Variants in RSRC1 observed in about 807,000 individuals in gnomAD.
RSRC1 encodes the protein arginine and serine rich coiled-coil 1.
A neutral mutation model predicts 49.1 loss-of-function variants in RSRC1; 39 were observed. The ratio of observed to expected loss-of-function variants is 0.79; its 90% CI spans 0.61 to 1.04. The LOEUF (loss-of-function observed/expected upper bound fraction) is 1.04. Ranked by LOEUF, RSRC1 falls within the 50% of genes least tolerant of loss-of-function variation. RSRC1 has a pLI of 0.00. For missense variants in RSRC1, 388 were observed against 402.4 expected, an observed-to-expected ratio of 0.96 and a Z score of 0.31; for synonymous variants, 143 against 130.8, an observed-to-expected ratio of 1.09 and a Z score of -0.63.
chr3:158,328,253 G>C (rs1157273383), intron 5 of RSRC1, among the ~76,000 whole-genome samples: 1 of 152,136 alleles, frequency 6.6e-6, no homozygotes, highest in Non-Finnish European at 1.5e-5. Flanking sequence ...ATATTGTTAT[G>C]TGTGAATTTG....
chr3:158,207,029 A>G (rs914620028), intron 4 of RSRC1, among the ~76,000 whole-genome samples: 15 of 152,202 alleles, frequency 9.9e-5, no homozygotes, highest in African/African-American at 3.4e-4. Context: ...AGGTGCTTTT[A>G]TTATCCTATT....
intron 7 of RSRC1, among the ~76,000 whole-genome samples, chr3:158,482,541 A>G (rs747304750): frequency 6.6e-6 from 1 of 152,062 alleles, no homozygotes; most frequent in East Asian, 1.9e-4. Context: ...GCCTAAAGGC[A>G]GGAGAATGGA....
At chr3:158,117,019 G>A (rs983323410) in intron 1 of RSRC1, among the ~76,000 whole-genome samples, 1 of 152,090 alleles carries the variant, frequency 6.6e-6, no homozygotes, top group Non-Finnish European at 1.5e-5. Flanking sequence ...GACCTTACAT[G>A]TCTGAAAATG....
chr3:158,197,082 G>A (rs2461505), intron 3 of RSRC1, among the ~76,000 whole-genome samples: 58,825 of 151,748 alleles, frequency 0.39, 12,253 homozygotes, highest in East Asian at 0.64. Context: ...AATGGTATCA[G>A]CTCCTCCTTG....
intron 6 of RSRC1, among the ~76,000 whole-genome samples, chr3:158,425,784 A>G (rs1483625114): frequency 6.6e-6 from 1 of 151,954 alleles, no homozygotes; most frequent in Admixed American, 6.6e-5. Flanking sequence ...GGGTGCATAT[A>G]TTTAGGATAG....
intron 6 of RSRC1, among the ~76,000 whole-genome samples, chr3:158,409,293 A>T (rs140835688): frequency 2.5e-4 from 38 of 152,274 alleles, no homozygotes; most frequent in African/African-American, 8.7e-4. Context: ...AAGTTTAAAA[A>T]ATGCTGCATT....
chr3:158,298,270 A>T (rs963204990), intron 5 of RSRC1, among the ~76,000 whole-genome samples, 195 bp downstream of exon 5: 1 of 152,016 alleles, frequency 6.6e-6, no homozygotes, highest in Admixed American at 6.6e-5. Context: ...AAAATTTTTT[A>T]AATTACTTTT....
intron 7 of RSRC1, among the ~76,000 whole-genome samples, chr3:158,465,348 A>G (rs988556419): frequency 2.6e-5 from 4 of 152,130 alleles, no homozygotes; most frequent in African/African-American, 9.7e-5. Flanking sequence ...TTTCTAGCAT[A>G]AAACACACTT....
At chr3:158,340,399 G>T (rs1730164187) in intron 5 of RSRC1, among the ~76,000 whole-genome samples, 1 of 151,988 alleles carries the variant, frequency 6.6e-6, no homozygotes, top group Non-Finnish European at 1.5e-5. Context: ...AAATTAGCTG[G>T]GCATGATGGC....
rs80237822 is a variant in RSRC1, at chr3:158,206,544, A to T, written c.494+3299A>T. ...TGGAGGCAGTGGGATGCCAATGTAG[A>T]GTTTCAAGTAGAGAAATGATGTGAT... On this transcript the variant is annotated intron_variant, in intron 4 of 9. Coordinates refer to ENST00000611884, the MANE Select transcript of RSRC1 (RefSeq NM_001271838.2). 7.6e-3 allele frequency among the ~76,000 whole-genome samples: 1,159 copies of T among 152,268 alleles called. 6 individuals carry two copies. Among genetic ancestry groups the T allele is most frequent in the African/African-American group, 0.026 (1,101 of 41,564 alleles).
At chr3:158,225,766 T>G (rs1391665411) in intron 4 of RSRC1, 2 of 427,086 alleles carry the variant, frequency 4.7e-6, no homozygotes, top group East Asian at 7.2e-5. Context: ...TTAGAAACAT[T>G]TTTACATTCA....
At chr3:158,164,832 A>G (rs1177687677) in intron 3 of RSRC1, among the ~76,000 whole-genome samples, 3 of 152,188 alleles carry the variant, frequency 2.0e-5, no homozygotes, top group Non-Finnish European at 4.4e-5. Context: ...TATAGAATTT[A>G]AATTCACTTG....
Position 158,123,866 on chromosome 3 carries a change from A to T in RSRC1, c.195A>T (p.Arg65Ser). ...LQPRSHSYDRRRRHRSSSSSS... is the reference protein window; with the variant it reads ...LQPRSHSYDRSRRHRSSSSSS... Reference sequence around the variant, plus strand: ...GATCTTTGATTATATTTTATTTCAGACGCAGGCATCGATCAAGCAGTAGCT... The same window carrying T: ...GATCTTTGATTATATTTTATTTCAGTCGCAGGCATCGATCAAGCAGTAGCT... Residue 65 changes from arginine to serine, a missense_variant and splice_region_variant, in exon 3 of 10, where the codon AGA becomes AGT. Coordinates refer to ENST00000611884, the MANE Select transcript of RSRC1 (RefSeq NM_001271838.2). 1 of 1,601,102 alleles carries T rather than the reference A, an allele frequency of 6.2e-7. No homozygotes were observed. Among genetic ancestry groups the T allele is most frequent in the Non-Finnish European group, 8.5e-7 (1 of 1,175,340 alleles).
intron 3 of RSRC1, among the ~76,000 whole-genome samples, chr3:158,160,932 T>G (rs80168071): frequency 3.9e-5 from 1 of 25,658 alleles, no homozygotes; most frequent in Non-Finnish European, 7.8e-5. Context: ...GGTCAAATAA[T>G]TTGCTCTTAC....
Position 158,191,724 on chromosome 3 carries a change from ATATACT to A in RSRC1, c.321-11344_321-11339del, listed in dbSNP as rs565515233. Among the ~76,000 whole-genome samples the A allele has an allele frequency of 3.6e-3, 546 of 152,152 alleles. 1 individual carries two copies. The highest frequency in any genetic ancestry group is 0.014 in the Middle Eastern group (4 of 294). On this transcript the variant is annotated intron_variant, in intron 3 of 9. Transcript: ENST00000611884. ...AGACTTCTAGAGTGATTTATCAGAAATATACTTATTTAAGGAATGAGGGACAAATAA... is the reference window on the plus strand; with the variant it reads ...AGACTTCTAGAGTGATTTATCAGAAATATTTAAGGAATGAGGGACAAATAA...
intron 4 of RSRC1, among the ~76,000 whole-genome samples, chr3:158,226,113 T>A (rs542877339): frequency 2.0e-5 from 3 of 151,996 alleles, no homozygotes; most frequent in African/African-American, 7.2e-5. Context: ...GTTTGGCTGC[T>A]GCTGGTTCCT....
intron 5 of RSRC1, among the ~76,000 whole-genome samples, chr3:158,321,289 TCC>T (rs1559991703): frequency 6.7e-6 from 1 of 150,000 alleles, no homozygotes; most frequent in Non-Finnish European, 1.5e-5. Flanking sequence ...CTCTTCCTCC[TCC>T]TCCTCCTCTT....
In RSRC1 at chr3:158,267,801, T is replaced by C. The variant is rs185659095; in HGVS notation, c.495-30238T>C. Among the ~76,000 whole-genome samples, 645 of 151,794 alleles carry C rather than the reference T, an allele frequency of 4.2e-3. 3 individuals are homozygous for C. The highest frequency in any genetic ancestry group is 6.3e-3 in the Admixed American group (96 of 15,246). On this transcript the variant is annotated intron_variant, in intron 4 of 9. Transcript: ENST00000611884. Reference sequence around the variant, plus strand: ...ATAAATATTTATGTGATAAAACTAATATCTGGTTCACTAATAGTTTTGATT... The same window carrying C: ...ATAAATATTTATGTGATAAAACTAACATCTGGTTCACTAATAGTTTTGATT...
chr3:158,136,097 G>T (rs1264200178), intron 3 of RSRC1, among the ~76,000 whole-genome samples: 1 of 152,068 alleles, frequency 6.6e-6, no homozygotes, highest in Non-Finnish European at 1.5e-5. Context: ...TTTCTACCAT[G>T]TAGAAACTAA....
Sources: allele counts gnomAD v4.1 joint callset (sites outside exome capture counted in the v4.1 genomes callset), GRCh38; gene constraint gnomAD v4.1.1; transcripts MANE v1.5; gene names NCBI Gene and HGNC (gene_info 2026-07-23, HGNC 2026-07-21).